Variants in CDC42BPB observed in about 807,000 individuals in gnomAD.
CDC42BPB encodes serine/threonine-protein kinase MRCK beta.
In CDC42BPB, 37 loss-of-function variants were observed where a neutral mutation model predicts 214.9. That is an observed-to-expected ratio of 0.17 (90% confidence interval 0.13 to 0.23). The LOEUF (loss-of-function observed/expected upper bound fraction) is 0.23, where lower values mean the gene tolerates loss of function less well. Among genes scored for constraint, CDC42BPB ranks in the 10% least tolerant of loss-of-function variants. CDC42BPB has a pLI of 1.00. For missense variants in CDC42BPB, 1,694 were observed against 2,227.0 expected (o/e 0.76, Z 4.82); for synonymous variants, 931 against 884.0 (o/e 1.05, Z -0.94).
chr14:103,021,620 C>T (rs1739855432), intron 1 of CDC42BPB, among the ~76,000 whole-genome samples: 1 of 150,992 alleles, frequency 6.6e-6, no homozygotes, highest in Non-Finnish European at 1.5e-5. Flanking sequence ...GCAGAGGTTG[C>T]AGTGACCCGA....
Position 102,944,837 on chromosome 14 carries a change from C to A in CDC42BPB, c.3812-350G>T, listed in dbSNP as rs925240597. ...TCGCGCAGCAAGGCCCTGGGGTGATCTGGGCCTCCTTCCAGCTCATCCCCG... is the reference window on the plus strand; with the variant it reads ...TCGCGCAGCAAGGCCCTGGGGTGATATGGGCCTCCTTCCAGCTCATCCCCG... On this transcript the variant is annotated intron_variant, in intron 29 of 36. Transcript: ENST00000361246. This position sits in a 1 kb window ranked among gnomAD's most constrained non-coding sequence, Gnocchi z 6.6. 3.3e-5 allele frequency among the ~76,000 whole-genome samples: 5 copies of A among 152,308 alleles called. No individual in the cohort carries two copies. The highest frequency in any genetic ancestry group is 2.0e-4 in the Admixed American group (3 of 15,304).
Position 102,938,132 on chromosome 14 carries a change from G to A in CDC42BPB, c.4976C>T (p.Ser1659Phe), listed in dbSNP as rs754471450. 7 of 1,613,860 alleles carry A rather than the reference G, an allele frequency of 4.3e-6. No individual in the cohort carries two copies. The South Asian group carries it at 6.6e-5, about 15-fold the overall frequency. ...PSVTVPLRSM[S>F]DPDQDFDKEP... ...TTTGTCAAAGTCCTGGTCTGGATCA[G>A]ACATACTTCTCAGAGGCACAGTCAC... is the stretch of plus-strand genomic sequence containing the variant. The change falls in exon 36 of 37, where the codon TCT becomes TTT. Residue 1659 changes from serine to phenylalanine, a missense_variant. Ser to Phe is a radical substitution (Grantham distance 155, BLOSUM62 -2). Coordinates refer to ENST00000361246, the MANE Select transcript of CDC42BPB (RefSeq NM_006035.4).
At chr14:102,940,444 T>C in intron 30 of CDC42BPB, 120 bp from the exon 31 acceptor site, 1 of 1,498,702 alleles carries the variant, frequency 6.7e-7, no homozygotes, top group Non-Finnish European at 8.9e-7. Context: ...TGCCCTCAGC[T>C]GGTTCACGTC....
At chr14:102,971,030 C>A (rs1296718440) in intron 13 of CDC42BPB, among the ~76,000 whole-genome samples, 2 of 152,218 alleles carry the variant, frequency 1.3e-5, no homozygotes, top group African/African-American at 4.8e-5. Context: ...CAGGGCGGCA[C>A]AGGGCTGCAA....
intron 30 of CDC42BPB, 184 bp from the exon 31 acceptor site, chr14:102,940,508 C>T (rs1891843958): frequency 1.4e-6 from 2 of 1,429,132 alleles, no homozygotes; most frequent in Non-Finnish European, 1.8e-6. Flanking sequence ...AAAGTTTAAA[C>T]AAACACAATC....
intron 1 of CDC42BPB, chr14:103,041,827 T>C: frequency 2.4e-6 from 1 of 411,406 alleles, no homozygotes; most frequent in Non-Finnish European, 4.7e-6. Context: ...GGAGCACCAC[T>C]CCAACCTCAC....
At chr14:103,025,464 A>G (rs1188044487) in intron 1 of CDC42BPB, among the ~76,000 whole-genome samples, 1 of 151,614 alleles carries the variant, frequency 6.6e-6, no homozygotes, top group African/African-American at 2.4e-5. Flanking sequence ...CTCACAGAAG[A>G]GTGGATAACC....
intron 27 of CDC42BPB, 24 bp from the exon 28 acceptor site, chr14:102,946,708 A>G (rs1243205729): frequency 2.5e-6 from 4 of 1,610,518 alleles, no homozygotes; most frequent in East Asian, 2.2e-5. Flanking sequence ...AACAGAAGAG[A>G]AGAGAGAAGT....
intron 36 of CDC42BPB, among the ~76,000 whole-genome samples, chr14:102,936,312 A>T (rs1891646004): frequency 6.6e-6 from 1 of 152,244 alleles, no homozygotes. Flanking sequence ...TCACAGCAGC[A>T]CCACTCACAA....
intron 7 of CDC42BPB, among the ~76,000 whole-genome samples, chr14:102,982,160 C>T (rs1894033358): frequency 6.6e-6 from 1 of 152,214 alleles, no homozygotes; most frequent in Admixed American, 6.5e-5. Context: ...TTTTCATTAT[C>T]TACAATATGC....
chr14:102,940,499 A>T, intron 30 of CDC42BPB, 175 bp from the exon 31 acceptor site: 1 of 1,440,594 alleles, frequency 6.9e-7, no homozygotes, highest in East Asian at 2.5e-5. Flanking sequence ...CTTCATTTCA[A>T]AGTTTAAACA....
Position 102,949,807 on chromosome 14 carries a change from G to A in CDC42BPB, c.3407C>T (p.Ser1136Phe). 1.2e-6 allele frequency: 2 copies of A among 1,613,582 alleles called. No homozygotes were observed. The highest frequency in any genetic ancestry group is 1.7e-6 in the Non-Finnish European group (2 of 1,180,020). ...GCTCGCAATGACACCAGGCTGGGTG[G>A]ATTTTCCTTCAGGCAGATCATACAG... Reference protein sequence around the residue: ...LFLYDLPEGKSTQPGVIASQV... With the variant: ...LFLYDLPEGKFTQPGVIASQV... The change falls in exon 26 of 37, where the codon TCC becomes TTC. Residue 1136 changes from serine (S) to phenylalanine (F), a missense_variant. By Grantham distance (155) the Ser-to-Phe change is radical (BLOSUM62 -2). Coordinates refer to ENST00000361246, the MANE Select transcript of CDC42BPB (RefSeq NM_006035.4).
Position 102,945,547 on chromosome 14 carries a change from G to A in CDC42BPB, c.3811+115C>T, listed in dbSNP as rs35998037. On this transcript the variant is annotated intron_variant, in intron 29 of 36. Transcript: ENST00000361246. ...GTCTTCACGGCACGCTGGCCCCTCCGGCGCCTTCATCAAGCGCATTTGTCT... is the reference window on the plus strand; with the variant it reads ...GTCTTCACGGCACGCTGGCCCCTCCAGCGCCTTCATCAAGCGCATTTGTCT... 10,898 of 885,958 alleles carry A rather than the reference G, an allele frequency of 0.012. 688 individuals carry two copies. In the African/African-American group the frequency reaches 0.15, roughly 12 times the overall value. 54.9% of individuals were successfully genotyped at this position (885,958 alleles called of 1,614,324 possible).
At chr14:102,968,104 A>C (rs891808729) in intron 16 of CDC42BPB, 149 bp downstream of exon 16, 3 of 622,846 alleles carry the variant, frequency 4.8e-6, no homozygotes, top group Non-Finnish European at 8.2e-6. Flanking sequence ...CAAAAAAAAA[A>C]AACCAAACTT....
rs1325336717 is a variant in CDC42BPB, at chr14:103,023,514, C to T, written c.176-11326G>A. On this transcript the variant is annotated intron_variant, in intron 1 of 36. Coordinates refer to ENST00000361246, the MANE Select transcript of CDC42BPB (RefSeq NM_006035.4). ...TAGACACGGGGTCTTGCTATGTTGC[C>T]CAGACTGGTTTCAAACTCCTGGGCT... is the stretch of plus-strand genomic sequence containing the variant. Among the ~76,000 whole-genome samples, 3 of 151,956 alleles carry T rather than the reference C, an allele frequency of 2.0e-5. No homozygotes were observed. In the East Asian group the frequency reaches 5.8e-4, roughly 29 times the overall value.
At chr14:102,956,419 G>A (rs1335186622) in intron 21 of CDC42BPB, 16 of 982,938 alleles carry the variant, frequency 1.6e-5, no homozygotes, top group East Asian at 2.3e-4. Flanking sequence ...TGCAGGCAGC[G>A]TGGGATAAGA....
At position 102,932,845 on chromosome 14, in the gene CDC42BPB, CACGGGGGCTCCAT is replaced by C. The variant is rs1891445751; in HGVS notation, c.*854_*866del. 2 of 133,034 alleles carry C rather than the reference CACGGGGGCTCCAT, an allele frequency of 1.5e-5. No individual in the cohort carries two copies. The allele number at this position is 133,034 out of a possible 1,614,324, so 8.2% of individuals were successfully genotyped here. A position where few individuals can be genotyped will look rare whatever the true frequency, so the allele number is the denominator to read the frequency against. ...CTACGTGATCATACGGGCTACTAAT[CACGGGGGCTCCAT>C]GCGGGGGCAGGACTGGTGGGGGGGG... On this transcript the variant is annotated 3_prime_UTR_variant, in exon 37 of 37. Transcript: ENST00000361246.
intron 34 of CDC42BPB, 52 bp downstream of exon 34, chr14:102,939,558 G>C: frequency 7.8e-7 from 1 of 1,286,688 alleles, no homozygotes; most frequent in Non-Finnish European, 1.1e-6. Flanking sequence ...CTGCCTGAGC[G>C]GGGAGGAGGA....
At chr14:103,000,697 G>A (rs188515607) in intron 4 of CDC42BPB, among the ~76,000 whole-genome samples, 8 of 152,326 alleles carry the variant, frequency 5.3e-5, no homozygotes, top group African/African-American at 1.7e-4. Flanking sequence ...TTTATCAGCC[G>A]GGGCAGGGAC....
Sources: gnomAD v4.1 joint callset for allele counts (sites outside exome capture counted in the v4.1 genomes callset) on GRCh38, gnomAD v4.1.1 for gene constraint, Gnocchi (gnomAD v3.1) non-coding constraint, MANE v1.5 for transcripts, NCBI Gene and HGNC (gene_info 2026-07-23, HGNC 2026-07-21) for gene names.